Variants in L3MBTL3 observed in about 807,000 individuals in gnomAD.
L3MBTL3 encodes lethal(3)malignant brain tumor-like protein 3.
In L3MBTL3, 27 loss-of-function variants were observed where a neutral mutation model predicts 102.3. The ratio of observed to expected loss-of-function variants is 0.26; its 90% CI spans 0.19 to 0.36. The LOEUF is 0.36. Ranked by LOEUF, L3MBTL3 falls within the 10% of genes least tolerant of loss-of-function variation. L3MBTL3 has a pLI of 1.00. For missense variants in L3MBTL3, 798 were observed against 955.3 expected (o/e 0.84, Z 2.17); for synonymous variants, 340 against 320.9 (o/e 1.06, Z -0.64).
chr6:130,116,231 G>A lies in L3MBTL3; in HGVS notation c.1887-4648G>A, dbSNP rs1785668260. Among the ~76,000 whole-genome samples, 3 of 152,104 alleles carry A rather than the reference G, an allele frequency of 2.0e-5. No homozygotes were observed. The South Asian group carries it at 6.2e-4, about 32-fold the overall frequency. ...CATCATGCTCCTACTTAAGTGCCTGGCTCTGTGCTAAGTGCTTTCTATACA... is the reference window on the plus strand; with the variant it reads ...CATCATGCTCCTACTTAAGTGCCTGACTCTGTGCTAAGTGCTTTCTATACA... On this transcript the variant is annotated intron_variant, in intron 19 of 22. Transcript: ENST00000361794.
chr6:130,038,519 T>C (rs1433644921), intron 2 of L3MBTL3, among the ~76,000 whole-genome samples: 1 of 152,164 alleles, frequency 6.6e-6, no homozygotes, highest in African/African-American at 2.4e-5. Context: ...TGATGATTAG[T>C]GATTCTGAGC....
intron 20 of L3MBTL3, among the ~76,000 whole-genome samples, chr6:130,126,498 T>G (rs1786618150): frequency 6.6e-6 from 1 of 152,158 alleles, no homozygotes. Context: ...TTAGGTAGTG[T>G]TCATTGAAGA....
At chr6:130,040,053 G>C (rs1182073525) in intron 2 of L3MBTL3, among the ~76,000 whole-genome samples, 1 of 152,160 alleles carries the variant, frequency 6.6e-6, no homozygotes, top group Non-Finnish European at 1.5e-5. Context: ...GGGGCTAGGT[G>C]CAGTGGCTCA....
intron 2 of L3MBTL3, among the ~76,000 whole-genome samples, chr6:130,031,522 C>T (rs972344606): frequency 4.6e-5 from 7 of 152,222 alleles, no homozygotes; most frequent in African/African-American, 1.7e-4. Flanking sequence ...GGGTATTAGA[C>T]ATCTCTTTTC....
At chr6:130,104,611 T>A in intron 19 of L3MBTL3, 36 bp downstream of exon 19, 1 of 1,396,192 alleles carries the variant, frequency 7.2e-7, no homozygotes, top group Non-Finnish European at 9.5e-7. Context: ...TGTTTAGAAG[T>A]ACTCTAATTT....
chr6:130,125,044 C>A (rs1038454138), intron 20 of L3MBTL3, among the ~76,000 whole-genome samples: 1 of 152,084 alleles, frequency 6.6e-6, no homozygotes, highest in African/African-American at 2.4e-5. Context: ...GTTAAACAGT[C>A]GTCTTAGTAC....
chr6:130,116,362 G>C (rs963792646), intron 19 of L3MBTL3, among the ~76,000 whole-genome samples: 1 of 152,100 alleles, frequency 6.6e-6, no homozygotes, highest in Non-Finnish European at 1.5e-5. Flanking sequence ...ATTTGCTGAT[G>C]GTCGTGTAAA....
chr6:130,029,616 A>G (rs1358228486), intron 2 of L3MBTL3, among the ~76,000 whole-genome samples: 1 of 152,124 alleles, frequency 6.6e-6, no homozygotes, highest in Admixed American at 6.5e-5. Context: ...ATGAAATCTG[A>G]GTCATACCAT....
intron 14 of L3MBTL3, among the ~76,000 whole-genome samples, chr6:130,079,876 T>G (rs1322949623): frequency 1.3e-5 from 2 of 152,146 alleles, no homozygotes; most frequent in East Asian, 3.9e-4. Context: ...TCTCATATAA[T>G]AAAGGGAGGA....
At chr6:130,078,510 G>A (rs779913296) in intron 13 of L3MBTL3, 48 bp from the exon 14 acceptor site, 3 of 1,257,554 alleles carry the variant, frequency 2.4e-6, no homozygotes, top group Non-Finnish European at 3.4e-6. Context: ...ACTAGTTTTT[G>A]TGAGTTTATC....
At position 130,104,593 on chromosome 6, in the gene L3MBTL3, A is replaced by G; in HGVS notation, c.1886+18A>G. ...GAAATCAGGTAATCAAAGAGCTAAT[A>G]TTAGCATTGTTTAGAAGTACTCTAA... On this transcript the variant is annotated intron_variant, in intron 19 of 22. Transcript: ENST00000361794. 6.5e-7 allele frequency: 1 copy of G among 1,537,858 alleles called. No individual in the cohort carries two copies. The highest frequency in any genetic ancestry group is 8.7e-7 in the Non-Finnish European group (1 of 1,145,256).
intron 1 of L3MBTL3, among the ~76,000 whole-genome samples, chr6:130,021,982 G>T (rs1357029285): frequency 1.3e-5 from 2 of 152,166 alleles, no homozygotes; most frequent in African/African-American, 4.8e-5. Context: ...TCACCTGCCT[G>T]TCATATACAA....
intron 3 of L3MBTL3, among the ~76,000 whole-genome samples, chr6:130,043,327 C>T (rs1370573768): frequency 6.6e-6 from 1 of 152,158 alleles, no homozygotes; most frequent in Non-Finnish European, 1.5e-5. Context: ...TCGGGTTCTT[C>T]CTGTAAATCC....
At chr6:130,080,235 A>C (rs1783240161) in intron 14 of L3MBTL3, among the ~76,000 whole-genome samples, 1 of 151,052 alleles carries the variant, frequency 6.6e-6, no homozygotes, top group African/African-American at 2.5e-5. Flanking sequence ...CCTGGGCAAC[A>C]GAGCAAGACA....
intron 13 of L3MBTL3, among the ~76,000 whole-genome samples, chr6:130,072,354 A>C (rs1000752912): frequency 1.3e-5 from 2 of 152,294 alleles, no homozygotes; most frequent in East Asian, 3.9e-4. Context: ...ATATGCAATT[A>C]CTATGCCATT....
rs945909905 is a variant in L3MBTL3 at position 130,057,493 on chromosome 6, A to G, written c.755A>G (p.Lys252Arg). 4 of 1,606,594 alleles carry G rather than the reference A, an allele frequency of 2.5e-6. No homozygotes were observed. The highest frequency in any genetic ancestry group is 3.4e-6 in the Non-Finnish European group (4 of 1,177,248). ...GTGGCAGTGCCGGCGAAGCTGTTCA[A>G]GGAGGTACGGGCCCTTCTAGAGACG... Reference protein sequence around the residue: ...KAVAVPAKLFKEHQSFPYNKN... With the variant: ...KAVAVPAKLFREHQSFPYNKN... Residue 252 changes from lysine (K) to arginine (R), a missense_variant, in exon 9 of 23, where the codon AAG becomes AGG. Lys to Arg is a conservative substitution (Grantham distance 26). Around this residue, in one of 4 missense-constraint regions of L3MBTL3, gnomAD observed 434 missense variants for 506.6 expected, o/e 0.86. Coordinates refer to ENST00000361794, the MANE Select transcript of L3MBTL3 (RefSeq NM_032438.4).
intron 20 of L3MBTL3, among the ~76,000 whole-genome samples, chr6:130,124,141 A>G (rs774995003): frequency 9.9e-5 from 15 of 152,176 alleles, no homozygotes; most frequent in Non-Finnish European, 1.8e-4. Flanking sequence ...AATTCAGGCA[A>G]GGGAACCAGG....
intron 1 of L3MBTL3, among the ~76,000 whole-genome samples, chr6:130,021,140 T>C (rs1418139550): frequency 6.6e-6 from 1 of 152,104 alleles, no homozygotes; most frequent in East Asian, 1.9e-4. Flanking sequence ...AGAAAAACAC[T>C]GACTCGAGTA....
chr6:130,088,227 A>G (rs1462785467), intron 16 of L3MBTL3, among the ~76,000 whole-genome samples: 1 of 152,214 alleles, frequency 6.6e-6, no homozygotes, highest in African/African-American at 2.4e-5. Context: ...AATTAATTTC[A>G]TAGCTGAAGA....
Sources: allele counts gnomAD v4.1 joint callset (sites outside exome capture counted in the v4.1 genomes callset), GRCh38; gene constraint gnomAD v4.1.1; regional missense constraint gnomAD v4.1.1; transcripts MANE v1.5; gene names NCBI Gene and HGNC (gene_info 2026-07-23, HGNC 2026-07-21).